LRMDA: variants seen among roughly 807,000 people sequenced by gnomAD.
The protein encoded by LRMDA is leucine-rich melanocyte differentiation-associated protein.
A neutral mutation model predicts 29.8 loss-of-function variants in LRMDA; 18 were observed. The ratio of observed to expected loss-of-function variants is 0.60; its 90% CI spans 0.42 to 0.90. LRMDA has a LOEUF of 0.90. Among genes scored for constraint, LRMDA ranks in the 40% least tolerant of loss-of-function variants. The pLI, the probability that LRMDA is intolerant of heterozygous loss-of-function variation, is 0.00. For missense variants in LRMDA, 273 were observed against 273.9 expected (o/e 1.00, Z 0.02); for synonymous variants, 125 against 109.4 (o/e 1.14, Z -0.89).
chr10:75,461,875 G>C (rs141833937), intron 2 of LRMDA, among the ~76,000 whole-genome samples: 13 of 152,382 alleles, frequency 8.5e-5, no homozygotes, highest in Admixed American at 2.6e-4. Flanking sequence ...ATTGGCCAGA[G>C]CCCTATGAGG....
intron 2 of LRMDA, among the ~76,000 whole-genome samples, chr10:75,640,683 G>T (rs1841441369): frequency 6.6e-6 from 1 of 152,226 alleles, no homozygotes. Flanking sequence ...TCAGGCTGGG[G>T]AGTGTCTGTT....
chr10:76,422,275 C>T (rs1401750039), intron 6 of LRMDA, among the ~76,000 whole-genome samples: 3 of 152,090 alleles, frequency 2.0e-5, no homozygotes, highest in Admixed American at 6.5e-5. Flanking sequence ...CACACGCTCA[C>T]TCTCCCCAAG....
At chr10:76,285,433 T>TAA (rs10552977) in intron 5 of LRMDA, among the ~76,000 whole-genome samples, 1 of 149,052 alleles carries the variant, frequency 6.7e-6, no homozygotes, top group Admixed American at 6.7e-5. Flanking sequence ...TGCTAAATAT[T>TAA]AAAAAAAAAA....
At chr10:76,138,996 T>A (rs1850148793) in intron 5 of LRMDA, among the ~76,000 whole-genome samples, 1 of 152,172 alleles carries the variant, frequency 6.6e-6, no homozygotes, top group Non-Finnish European at 1.5e-5. Context: ...AACTTATCTT[T>A]CCAGTGCCCT....
chr10:75,816,517 G>A (rs1409677214), intron 2 of LRMDA, among the ~76,000 whole-genome samples: 1 of 152,126 alleles, frequency 6.6e-6, no homozygotes, highest in Non-Finnish European at 1.5e-5. Flanking sequence ...AAGAAGATGA[G>A]GGCCAATTTC....
intron 6 of LRMDA, among the ~76,000 whole-genome samples, chr10:76,539,074 A>G (rs1182516821): frequency 2.6e-5 from 4 of 152,212 alleles, no homozygotes; most frequent in African/African-American, 9.6e-5. Context: ...TATTTTAAAA[A>G]AGGTATAACA....
chr10:75,551,068 T>C (rs1230546020), intron 2 of LRMDA, among the ~76,000 whole-genome samples: 2 of 152,024 alleles, frequency 1.3e-5, no homozygotes, highest in Non-Finnish European at 1.5e-5. Context: ...GAAAATGTTT[T>C]TTTTACTTGA....
intron 2 of LRMDA, among the ~76,000 whole-genome samples, chr10:75,723,629 G>A (rs7906516): frequency 5.3e-5 from 8 of 152,168 alleles, no homozygotes; most frequent in South Asian, 2.1e-4. Context: ...GGAAAAGGCC[G>A]GAAAGACAGT....
rs150303041 is a variant in LRMDA, at chr10:76,294,369, T to A, written c.517-30032T>A. Among the ~76,000 whole-genome samples, 454 of 152,278 alleles carry A rather than the reference T, an allele frequency of 3.0e-3. 2 individuals carry two copies. Among genetic ancestry groups the A allele is most frequent in the African/African-American group, 0.01 (427 of 41,568 alleles). On this transcript the variant is annotated intron_variant, in intron 5 of 6. Coordinates refer to ENST00000611255, the MANE Select transcript of LRMDA (RefSeq NM_001305581.2). Reference sequence around the variant, plus strand: ...TTCAGGGGAAAAGCAACATGGCTCATCTAAGTATTTACCTTTATACTGGTG... The same window carrying A: ...TTCAGGGGAAAAGCAACATGGCTCAACTAAGTATTTACCTTTATACTGGTG...
At chr10:76,080,442 T>C (rs1054206570) in intron 5 of LRMDA, among the ~76,000 whole-genome samples, 6 of 152,224 alleles carry the variant, frequency 3.9e-5, no homozygotes, top group Non-Finnish European at 8.8e-5. Context: ...GACAGTCACC[T>C]TCTTCCCCAT....
intron 5 of LRMDA, among the ~76,000 whole-genome samples, chr10:76,320,925 A>G (rs559003026): frequency 5.9e-5 from 9 of 152,194 alleles, no homozygotes; most frequent in Non-Finnish European, 1.2e-4. Flanking sequence ...TTATATTTCC[A>G]TAAATATTAT....
chr10:76,282,503 G>A (rs769207290), intron 5 of LRMDA, among the ~76,000 whole-genome samples: 4 of 152,134 alleles, frequency 2.6e-5, no homozygotes, highest in Non-Finnish European at 5.9e-5. Flanking sequence ...GCTGGTGGAG[G>A]TCTATGATAA....
At chr10:75,520,871 G>A (rs997403095) in intron 2 of LRMDA, among the ~76,000 whole-genome samples, 1 of 152,098 alleles carries the variant, frequency 6.6e-6, no homozygotes, top group Non-Finnish European at 1.5e-5. Context: ...GTTTTGGTGT[G>A]GATGCCCTTT....
intron 2 of LRMDA, among the ~76,000 whole-genome samples, chr10:75,494,059 T>C (rs1845018573): frequency 6.6e-6 from 1 of 152,200 alleles, no homozygotes; most frequent in Non-Finnish European, 1.5e-5. Flanking sequence ...CAGCCAAATT[T>C]ACTTGTTTAA....
chr10:75,806,685 C>A (rs551612062), intron 2 of LRMDA, among the ~76,000 whole-genome samples: 1 of 150,888 alleles, frequency 6.6e-6, no homozygotes, highest in African/African-American at 2.4e-5. Context: ...TTAGAAATCC[C>A]GAGTACCCCT....
At position 75,847,168 on chromosome 10, in the gene LRMDA, T is replaced by C. The variant is rs547477272; in HGVS notation, c.132-188840T>C. Among the ~76,000 whole-genome samples, 14 of 152,216 alleles carry C rather than the reference T, an allele frequency of 9.2e-5. 1 individual carries two copies. The South Asian group carries it at 2.9e-3, about 32-fold the overall frequency. On this transcript the variant is annotated intron_variant, in intron 2 of 6. Coordinates refer to ENST00000611255, the MANE Select transcript of LRMDA (RefSeq NM_001305581.2). ...GACATAAAGACAGACACATAGACAATTGGAACCAAATACAGAGTTCAGAAA... is the reference window on the plus strand; with the variant it reads ...GACATAAAGACAGACACATAGACAACTGGAACCAAATACAGAGTTCAGAAA...
chr10:75,766,885 C>T (rs999192575), intron 2 of LRMDA, among the ~76,000 whole-genome samples: 3 of 152,098 alleles, frequency 2.0e-5, no homozygotes, highest in African/African-American at 7.2e-5. Flanking sequence ...TGAATGAGAA[C>T]ATGCAGTGTT....
chr10:76,336,757 G>T (rs555686320), intron 6 of LRMDA, among the ~76,000 whole-genome samples: 1 of 152,156 alleles, frequency 6.6e-6, no homozygotes, highest in Non-Finnish European at 1.5e-5. Flanking sequence ...CTCCCTTGTG[G>T]ATTAGCTCTT....
chr10:76,178,830 T>C (rs575592476), intron 5 of LRMDA, among the ~76,000 whole-genome samples: 1 of 152,336 alleles, frequency 6.6e-6, no homozygotes, highest in East Asian at 1.9e-4. Context: ...CTTTGAGAAA[T>C]ACCCAGTGAC....
Sources: gnomAD v4.1 joint callset for allele counts (sites outside exome capture counted in the v4.1 genomes callset) on GRCh38, gnomAD v4.1.1 for gene constraint, MANE v1.5 for transcripts, NCBI Gene and HGNC (gene_info 2026-07-23, HGNC 2026-07-21) for gene names.